ADCY1: variants seen among roughly 807,000 people sequenced by gnomAD.
The protein encoded by ADCY1 is adenylate cyclase 1.
Under a neutral mutation model 105.4 loss-of-function variants are expected in ADCY1, and 28 were observed. That is an observed-to-expected ratio of 0.27 (90% CI 0.20 to 0.36). The LOEUF (loss-of-function observed/expected upper bound fraction) is 0.36. Ranked by LOEUF, ADCY1 falls within the 10% of genes least tolerant of loss-of-function variation. The pLI is 1.00. For missense variants in ADCY1, 977 were observed against 1,434.2 expected (o/e 0.68, Z 5.15); for synonymous variants, 655 against 623.8 (o/e 1.05, Z -0.75).
intron 12 of ADCY1, among the ~76,000 whole-genome samples, chr7:45,685,311 AAAACAGGAC>A (rs1784644317): frequency 6.6e-6 from 1 of 152,250 alleles, no homozygotes; most frequent in South Asian, 2.1e-4. Flanking sequence ...CAGGGGTGGA[AAAACAGGAC>A]AGACAGGGCA....
chr7:45,623,875 G>A (rs890580889), intron 4 of ADCY1, among the ~76,000 whole-genome samples: 4 of 152,176 alleles, frequency 2.6e-5, no homozygotes, highest in South Asian at 4.1e-4. Context: ...TGACCCACCC[G>A]AGTTTCCTTG....
chr7:45,628,538 A>G (rs1794130634), intron 4 of ADCY1, among the ~76,000 whole-genome samples: 1 of 152,154 alleles, frequency 6.6e-6, no homozygotes, highest in Non-Finnish European at 1.5e-5. Flanking sequence ...GAAGGGGAAC[A>G]TGGGGAGTAT....
At chr7:45,698,157 ACT>A (rs1249539831) in intron 14 of ADCY1, among the ~76,000 whole-genome samples, 1 of 147,260 alleles carries the variant, frequency 6.8e-6, no homozygotes. Context: ...AAACACACAT[ACT>A]CTCTTACACA....
rs1784687507 is a variant in ADCY1, at chr7:45,686,831, G to A, written c.2454+158G>A. Among the ~76,000 whole-genome samples the A allele has an allele frequency of 6.6e-6, 1 of 152,262 alleles. No individual in the cohort carries two copies. The highest frequency in any genetic ancestry group is 2.4e-5 in the African/African-American group (1 of 41,482). ...TGCAAGCCAGGCACTGTCCGGGGATGGAGGAGACCTATGCTGGGGGTGCAG... is the reference window on the plus strand; with the variant it reads ...TGCAAGCCAGGCACTGTCCGGGGATAGAGGAGACCTATGCTGGGGGTGCAG... On this transcript the variant is annotated intron_variant, in intron 14 of 19. Transcript: ENST00000297323. This position sits in a 1 kb window ranked among gnomAD's most constrained non-coding sequence, Gnocchi z 4.3.
In ADCY1 at chr7:45,685,055, C is replaced by G. The variant is rs974958409; in HGVS notation, c.2060C>G (p.Ala687Gly). 1.3e-5 allele frequency: 21 copies of G among 1,613,952 alleles called. No homozygotes were observed. The highest frequency in any genetic ancestry group is 1.7e-5 in the Non-Finnish European group (20 of 1,179,902). Reference sequence around the variant, plus strand: ...ATAGTGGTCTTAATCTACTCAGTAGCCCAAGGTTGTGTGGTGAGCATCTCC... The same window carrying G: ...ATAGTGGTCTTAATCTACTCAGTAGGCCAAGGTTGTGTGGTGAGCATCTCC... Reference protein sequence around the residue: ...IFIVVLIYSVAQGCVVGCLPW... With the variant: ...IFIVVLIYSVGQGCVVGCLPW... Residue 687 changes from alanine to glycine, a missense_variant, in exon 12 of 20, where the codon GCC (alanine) becomes GGC (glycine). Around this residue, in one of 7 missense-constraint regions of ADCY1, gnomAD observed 275 missense variants for 362.1 expected, o/e 0.76. Transcript: ENST00000297323.
At chr7:45,604,502 ATAAGG>A (rs1489294897) in intron 2 of ADCY1, among the ~76,000 whole-genome samples, 40 of 152,216 alleles carry the variant, frequency 2.6e-4, no homozygotes, top group African/African-American at 8.4e-4. Context: ...TAATTTTTGC[ATAAGG>A]TATGAGGTTT....
chr7:45,640,736 A>G (rs1011246709), intron 4 of ADCY1, among the ~76,000 whole-genome samples: 7 of 152,200 alleles, frequency 4.6e-5, no homozygotes, highest in South Asian at 2.1e-4. Flanking sequence ...TTTATTTTCT[A>G]TAGGGGACCA....
At chr7:45,682,582 G>T (rs1004431651) in intron 11 of ADCY1, among the ~76,000 whole-genome samples, 2 of 152,166 alleles carry the variant, frequency 1.3e-5, no homozygotes, top group Non-Finnish European at 2.9e-5. Context: ...GTGTGCCTCG[G>T]ATAAGCTGCT....
At chr7:45,687,396 G>T (rs1000184452) in intron 14 of ADCY1, among the ~76,000 whole-genome samples, 12 of 152,182 alleles carry the variant, frequency 7.9e-5, no homozygotes, top group African/African-American at 2.9e-4. Context: ...CATGGCCAGG[G>T]GCCAAGGCAG....
intron 4 of ADCY1, among the ~76,000 whole-genome samples, chr7:45,629,680 G>A (rs559847352): frequency 9.9e-5 from 15 of 152,148 alleles, no homozygotes; most frequent in Middle Eastern, 3.4e-3. Flanking sequence ...CACTGCGCCC[G>A]GCTAATTTTT....
intron 1 of ADCY1, among the ~76,000 whole-genome samples, chr7:45,592,517 T>C (rs1792951846): frequency 6.6e-6 from 1 of 152,192 alleles, no homozygotes. Context: ...GGGGACACAG[T>C]TTGGCCTTGA....
intron 14 of ADCY1, among the ~76,000 whole-genome samples, chr7:45,699,924 G>C (rs989431071): frequency 6.6e-6 from 1 of 152,160 alleles, no homozygotes; most frequent in Non-Finnish European, 1.5e-5. Flanking sequence ...CAGCACAGAA[G>C]GGGGGCTGTG....
chr7:45,601,932 C>T (rs779707816), intron 2 of ADCY1, among the ~76,000 whole-genome samples: 72 of 152,200 alleles, frequency 4.7e-4, no homozygotes, highest in Admixed American at 2.9e-3. Context: ...GGGCAGAGGA[C>T]GCCAGGGCTG....
chr7:45,581,626 G>A (rs1456135429), intron 1 of ADCY1, among the ~76,000 whole-genome samples: 1 of 152,164 alleles, frequency 6.6e-6, no homozygotes, highest in African/African-American at 2.4e-5. Context: ...TTGGGCAGGA[G>A]AAGCAGCCTG....
At position 45,679,691 on chromosome 7, in the gene ADCY1, A is replaced by G. The variant is rs1199053962; in HGVS notation, c.1899-18A>G. The G allele has an allele frequency of 4.3e-6, 7 of 1,614,002 alleles. No homozygotes were observed. In the Admixed American group the frequency reaches 1.0e-4, roughly 23 times the overall value. On this transcript the variant is annotated intron_variant, in intron 10 of 19. Transcript: ENST00000297323. ...TAATCCCCACCTATCAGTGACTCTCATGTTTTCTGTCCCCCAGGAGTGTGG... is the reference window on the plus strand; with the variant it reads ...TAATCCCCACCTATCAGTGACTCTCGTGTTTTCTGTCCCCCAGGAGTGTGG...
chr7:45,622,886 GT>G, intron 4 of ADCY1, 143 bp downstream of exon 4: 4 of 667,760 alleles, frequency 6.0e-6, no homozygotes, highest in South Asian at 5.7e-5. Flanking sequence ...ATCACCTGTT[GT>G]TTTTAGCCTC....
intron 8 of ADCY1, among the ~76,000 whole-genome samples, chr7:45,673,338 G>C (rs1784397462): frequency 6.6e-6 from 1 of 152,166 alleles, no homozygotes; most frequent in Non-Finnish European, 1.5e-5. Flanking sequence ...TTTTCTGGAA[G>C]AGATTGGTTA....
chr7:45,650,547 C>T (rs2116068196), intron 5 of ADCY1, among the ~76,000 whole-genome samples: 1 of 152,218 alleles, frequency 6.6e-6, no homozygotes, highest in African/African-American at 2.4e-5. Flanking sequence ...TGTGGGCTGA[C>T]CTGGCTGACC....
intron 2 of ADCY1, among the ~76,000 whole-genome samples, chr7:45,594,740 A>T (rs534603768): frequency 7.9e-5 from 12 of 152,096 alleles, no homozygotes; most frequent in Non-Finnish European, 1.6e-4. Flanking sequence ...GGCAGTCCAC[A>T]CTCAGGGAGG....
Sources: gnomAD v4.1 joint callset for allele counts (sites outside exome capture counted in the v4.1 genomes callset) on GRCh38, gnomAD v4.1.1 for gene constraint, gnomAD v4.1.1 regional missense constraint, Gnocchi (gnomAD v3.1) non-coding constraint, MANE v1.5 for transcripts, NCBI Gene and HGNC (gene_info 2026-07-23, HGNC 2026-07-21) for gene names.